CTNNA2: variants seen among roughly 807,000 people sequenced by gnomAD.
CTNNA2 encodes catenin alpha 2, also known as catenin alpha-2.
Under a neutral mutation model 101.0 loss-of-function variants are expected in CTNNA2, and 42 were observed. That is an observed-to-expected ratio of 0.42 (90% CI 0.32 to 0.54). The LOEUF (loss-of-function observed/expected upper bound fraction) is 0.54. Among genes scored for constraint, CTNNA2 ranks in the 20% least tolerant of loss-of-function variants. CTNNA2 has a pLI of 0.14. For missense variants in CTNNA2, 871 were observed against 1,223.1 expected (o/e 0.71, Z 4.29); for synonymous variants, 450 against 456.4 (o/e 0.99, Z 0.18).
intron 9 of CTNNA2, among the ~76,000 whole-genome samples, chr2:80,520,542 T>C (rs1481891043): frequency 1.3e-5 from 2 of 152,198 alleles, no homozygotes; most frequent in Non-Finnish European, 2.9e-5. Flanking sequence ...GGTCGGGTTC[T>C]GATGAGGGCC....
chr2:80,142,203 T>A (rs749912571), intron 7 of CTNNA2, among the ~76,000 whole-genome samples: 14 of 152,190 alleles, frequency 9.2e-5, no homozygotes, highest in Non-Finnish European at 2.1e-4. Flanking sequence ...CTATCCTTCA[T>A]GTATTTGACT....
chr2:80,646,073 T>A (rs1385190597), intron 18 of CTNNA2, among the ~76,000 whole-genome samples: 1 of 152,132 alleles, frequency 6.6e-6, no homozygotes, highest in Non-Finnish European at 1.5e-5. Context: ...ATACAACTTC[T>A]GATAACCTCA....
At chr2:80,535,003 G>A (rs960158916) in intron 9 of CTNNA2, among the ~76,000 whole-genome samples, 2 of 152,154 alleles carry the variant, frequency 1.3e-5, no homozygotes, top group African/African-American at 2.4e-5. Context: ...GGTTAGAAGT[G>A]TATATAAAAT....
chr2:79,777,779 TA>T (rs1322975421), intron 3 of CTNNA2, among the ~76,000 whole-genome samples: 1 of 152,142 alleles, frequency 6.6e-6, no homozygotes, highest in African/African-American at 2.4e-5. Context: ...TAACCTATAC[TA>T]TTTCTCCAAA....
At chr2:79,406,311 C>G (rs148162016) in intron 4 of CTNNA2, among the ~76,000 whole-genome samples, 4 of 149,890 alleles carry the variant, frequency 2.7e-5, no homozygotes, top group Non-Finnish European at 4.5e-5. Flanking sequence ...CTTTATTTAG[C>G]TTTCAGAAAG....
At chr2:79,278,862 G>A (rs57197959) in intron 2 of CTNNA2, among the ~76,000 whole-genome samples, 42 of 152,204 alleles carry the variant, frequency 2.8e-4, no homozygotes, top group African/African-American at 9.6e-4. Flanking sequence ...CTGGAATAGA[G>A]GATAGGACTA....
intron 9 of CTNNA2, among the ~76,000 whole-genome samples, chr2:80,481,792 C>T (rs1192583332): frequency 6.6e-6 from 1 of 152,016 alleles, no homozygotes; most frequent in Non-Finnish European, 1.5e-5. Flanking sequence ...GGTTTAATGC[C>T]TCCTTTTAAT....
intron 7 of CTNNA2, among the ~76,000 whole-genome samples, chr2:80,325,461 A>T (rs1399944154): frequency 1.3e-5 from 2 of 152,232 alleles, no homozygotes; most frequent in Non-Finnish European, 2.9e-5. Context: ...ATTCTAAAGT[A>T]GAGGTAAATC....
chr2:80,414,016 G>C (rs1432668320), intron 8 of CTNNA2, among the ~76,000 whole-genome samples: 1 of 152,152 alleles, frequency 6.6e-6, no homozygotes, highest in African/African-American at 2.4e-5. Context: ...GCCTCAACTT[G>C]GGTGTTAACT....
chr2:79,625,374 A>G (rs17765869), intron 1 of CTNNA2, among the ~76,000 whole-genome samples: 7,612 of 151,772 alleles, frequency 0.05, 227 homozygotes, highest in Non-Finnish European at 0.065. Flanking sequence ...TACAAAAAGT[A>G]TAAATGTTTG....
Position 79,424,558 on chromosome 2 carries a change from A to G in CTNNA2, c.-135+50545A>G, listed in dbSNP as rs574080355. On this transcript the variant is annotated intron_variant, in intron 4 of 21. Coordinates refer to the CTNNA2 transcript ENST00000466387. Reference sequence around the variant, plus strand: ...ACCTTATACCTCTATACTATTTGTTATATCTTACCTAGTCAGATATGCAGG... The same window carrying G: ...ACCTTATACCTCTATACTATTTGTTGTATCTTACCTAGTCAGATATGCAGG... Among the ~76,000 whole-genome samples, 4 of 152,286 alleles carry G rather than the reference A, an allele frequency of 2.6e-5. No individual in the cohort carries two copies. The South Asian group carries it at 8.3e-4, about 32-fold the overall frequency.
chr2:79,273,286 C>T (rs913483896), intron 2 of CTNNA2, among the ~76,000 whole-genome samples: 3 of 152,008 alleles, frequency 2.0e-5, no homozygotes, highest in Non-Finnish European at 4.4e-5. Flanking sequence ...AAGACTGAAA[C>T]ACAGAGAACA....
chr2:80,210,526 C>T (rs1356170494), intron 7 of CTNNA2, among the ~76,000 whole-genome samples: 1 of 152,146 alleles, frequency 6.6e-6, no homozygotes, highest in Non-Finnish European at 1.5e-5. Flanking sequence ...ATCCATGTCC[C>T]TACAAAGGAC....
chr2:80,557,987 C>T (rs1209521740), intron 12 of CTNNA2, among the ~76,000 whole-genome samples: 1 of 152,140 alleles, frequency 6.6e-6, no homozygotes, highest in Non-Finnish European at 1.5e-5. Flanking sequence ...TAACTAAAGG[C>T]ACCTTTCTTA....
At chr2:79,807,718 C>A (rs1318528261) in intron 3 of CTNNA2, among the ~76,000 whole-genome samples, 3 of 152,108 alleles carry the variant, frequency 2.0e-5, no homozygotes, top group African/African-American at 7.2e-5. Context: ...TATTTAAAAT[C>A]ATTTACTGAA....
intron 7 of CTNNA2, among the ~76,000 whole-genome samples, chr2:80,125,442 G>A (rs1015211644): frequency 2.6e-5 from 4 of 152,128 alleles, no homozygotes; most frequent in African/African-American, 9.7e-5. Context: ...TCTTGGATAT[G>A]GATAGATTAG....
intron 7 of CTNNA2, among the ~76,000 whole-genome samples, chr2:80,105,895 A>G (rs1700857185): frequency 6.6e-6 from 1 of 152,168 alleles, no homozygotes; most frequent in East Asian, 1.9e-4. Context: ...TGCAGGCAAA[A>G]GAAGATGGTC....
chr2:79,855,969 T>A (rs889328673), intron 3 of CTNNA2, among the ~76,000 whole-genome samples: 2 of 152,186 alleles, frequency 1.3e-5, no homozygotes, highest in Non-Finnish European at 2.9e-5. Flanking sequence ...TGACTTTTTT[T>A]ATTTGTGAGG....
chr2:80,333,781 G>A (rs1671551247), intron 7 of CTNNA2, among the ~76,000 whole-genome samples: 2 of 152,142 alleles, frequency 1.3e-5, no homozygotes, highest in Non-Finnish European at 2.9e-5. Flanking sequence ...GCACCATCAT[G>A]CCCAGCTAAT....
Sources: allele counts gnomAD v4.1 joint callset (sites outside exome capture counted in the v4.1 genomes callset), GRCh38; gene constraint gnomAD v4.1.1; transcripts MANE v1.5; gene names NCBI Gene and HGNC (gene_info 2026-07-23, HGNC 2026-07-21).